IFT56: variants seen among roughly 807,000 people sequenced by gnomAD.
IFT56 encodes the protein intraflagellar transport protein 56.
the IFT56 span, chr7:139,181,244 C>T: frequency 7.2e-7 from 1 of 1,380,422 alleles, no homozygotes; most frequent in East Asian, 2.3e-5. Flanking sequence ...TTCATTATCA[C>T]ATTGCTGCAT....
At chr7:139,185,083 G>T in the IFT56 span, among the ~76,000 whole-genome samples, 1 of 151,282 alleles carries the variant, frequency 6.6e-6, no homozygotes, top group East Asian at 1.9e-4. Context: ...GCTGGGCATG[G>T]TGGCTACCTC....
the IFT56 span, among the ~76,000 whole-genome samples, chr7:139,182,293 C>T: frequency 1.3e-5 from 2 of 151,862 alleles, 1 homozygote; most frequent in South Asian, 4.1e-4. Flanking sequence ...TCAACAAAAG[C>T]TCATTTCAAA....
At chr7:139,165,090 T>C in the IFT56 span, 1 of 1,495,610 alleles carries the variant, frequency 6.7e-7, no homozygotes. Context: ...AATAAATATA[T>C]ACATCATTGT....
At chr7:139,178,690 A>T in the IFT56 span, 3 of 1,125,712 alleles carry the variant, frequency 2.7e-6, no homozygotes, top group Non-Finnish European at 4.0e-6. Context: ...AGGGTTAAGG[A>T]TTATTAAAGA....
chr7:139,185,019 A>C, the IFT56 span, among the ~76,000 whole-genome samples: 1 of 148,172 alleles, frequency 6.7e-6, no homozygotes, highest in Admixed American at 6.8e-5. Context: ...GCGCCACTGC[A>C]CTCCAGCCTG....
chr7:139,168,987 G>A, the IFT56 span, among the ~76,000 whole-genome samples: 2 of 152,150 alleles, frequency 1.3e-5, no homozygotes, highest in Admixed American at 6.5e-5. Flanking sequence ...TACAGCTCCT[G>A]TTCCAAGGTC....
the IFT56 span, among the ~76,000 whole-genome samples, chr7:139,150,069 G>T: frequency 6.6e-6 from 1 of 152,116 alleles, no homozygotes; most frequent in Non-Finnish European, 1.5e-5. Context: ...ATTTCTGCAT[G>T]TGTCAAACTT....
At chr7:139,150,210 G>A in the IFT56 span, among the ~76,000 whole-genome samples, 4 of 152,124 alleles carry the variant, frequency 2.6e-5, no homozygotes, top group Non-Finnish European at 4.4e-5. Flanking sequence ...CCCCAAGTCT[G>A]CCTAATTGGC....
At chr7:139,168,902 G>A in the IFT56 span, among the ~76,000 whole-genome samples, 1 of 152,086 alleles carries the variant, frequency 6.6e-6, no homozygotes, top group African/African-American at 2.4e-5. Context: ...AGTTCATTCT[G>A]CAGTGCCTTG....
the IFT56 span, among the ~76,000 whole-genome samples, chr7:139,146,766 C>CA: frequency 0.32 from 28,095 of 88,168 alleles, 5,303 homozygotes; most frequent in African/African-American, 0.51. Flanking sequence ...GACTCCGTTT[C>CA]AAAAAAAAAA....
the IFT56 span, among the ~76,000 whole-genome samples, chr7:139,154,725 A>G: frequency 6.6e-6 from 1 of 152,238 alleles, no homozygotes; most frequent in South Asian, 2.1e-4. Flanking sequence ...ATACCACACT[A>G]TCTTCCTTAC....
the IFT56 span, among the ~76,000 whole-genome samples, chr7:139,159,363 A>T: frequency 7.9e-5 from 12 of 152,140 alleles, no homozygotes; most frequent in Non-Finnish European, 1.0e-4. Flanking sequence ...ACATTTTCAC[A>T]GTTTTTTAGT....
At chr7:139,145,721 A>T in the IFT56 span, among the ~76,000 whole-genome samples, 4 of 151,510 alleles carry the variant, frequency 2.6e-5, no homozygotes, top group African/African-American at 9.7e-5. Context: ...TGCCCCTTTT[A>T]CACAGATTTT....
the IFT56 span, among the ~76,000 whole-genome samples, chr7:139,188,755 C>G: frequency 6.6e-6 from 1 of 152,160 alleles, no homozygotes; most frequent in African/African-American, 2.4e-5. Flanking sequence ...TAAATTACTT[C>G]AAATATAAAT....
At chr7:139,140,321 T>C in the IFT56 span, among the ~76,000 whole-genome samples, 1 of 152,166 alleles carries the variant, frequency 6.6e-6, no homozygotes, top group Non-Finnish European at 1.5e-5. Flanking sequence ...TTATTCAGGC[T>C]CTTATGGCTG....
At chr7:139,183,464 T>C in the IFT56 span, among the ~76,000 whole-genome samples, 1 of 152,094 alleles carries the variant, frequency 6.6e-6, no homozygotes, top group Admixed American at 6.5e-5. Context: ...ATCAAGCATA[T>C]GTGTGAGGTC....
the IFT56 span, among the ~76,000 whole-genome samples, chr7:139,154,078 A>T: frequency 6.6e-6 from 1 of 152,182 alleles, no homozygotes; most frequent in African/African-American, 2.4e-5. Context: ...CATTTCCCTG[A>T]TGACTAATGA....
the IFT56 span, chr7:139,178,247 G>A: frequency 6.2e-7 from 1 of 1,613,922 alleles, no homozygotes; most frequent in Admixed American, 1.7e-5. Flanking sequence ...ATGGCTTCCT[G>A]TTTCTTCCTG....
chr7:139,180,857 A>G, the IFT56 span, among the ~76,000 whole-genome samples: 3 of 152,240 alleles, frequency 2.0e-5, no homozygotes, highest in Non-Finnish European at 4.4e-5. Context: ...AGGAACTACC[A>G]GAAGTCAATC....
Sources: allele counts gnomAD v4.1 joint callset (sites outside exome capture counted in the v4.1 genomes callset), GRCh38; gene constraint gnomAD v4.1.1; transcripts MANE v1.5; gene names NCBI Gene and HGNC (gene_info 2026-07-23, HGNC 2026-07-21).